The following RNF216 variants were observed in gnomAD, a reference collection of about 807,000 sequenced individuals.
The protein encoded by RNF216 is ring finger protein 216.
Under a neutral mutation model 110.8 loss-of-function variants are expected in RNF216, and 72 were observed. The observed-to-expected ratio is 0.65, with a 90% CI of 0.54 to 0.79. The LOEUF (loss-of-function observed/expected upper bound fraction) is 0.79. Ranked by LOEUF, RNF216 falls within the 30% of genes least tolerant of loss-of-function variation. The pLI, the probability that RNF216 is intolerant of heterozygous loss-of-function variation, is 0.00. For missense variants in RNF216, 1,342 were observed against 1,141.2 expected (o/e 1.18, Z -2.54); for synonymous variants, 495 against 407.5 (o/e 1.21, Z -2.59).
chr7:5,712,617 G>T, intron 12 of RNF216, 98 bp downstream of exon 12: 1 of 1,205,620 alleles, frequency 8.3e-7, no homozygotes, highest in Non-Finnish European at 1.2e-6. Context: ...CAAAAAACCT[G>T]GAAGATAAAC....
At chr7:5,631,094 ACCT>A (rs949517704) in intron 15 of RNF216, among the ~76,000 whole-genome samples, 3 of 152,074 alleles carry the variant, frequency 2.0e-5, no homozygotes, top group African/African-American at 7.2e-5. Flanking sequence ...GAATTCTGAA[ACCT>A]CCTTTCTCCC....
rs535287772 is a variant in RNF216 at position 5,718,489 on chromosome 7, A to G, written c.1645-1723T>C. On this transcript the variant is annotated intron_variant, in intron 9 of 16. Coordinates refer to ENST00000389902, the MANE Select transcript of RNF216 (RefSeq NM_207111.4). The stretch of plus-strand genomic sequence containing the variant: ...TCAGAACTAAAATTTTTACAACCTT[A>G]GACAAAAAAACAAAACCAATTCTCT... Among the ~76,000 whole-genome samples the G allele has an allele frequency of 3.3e-5, 5 of 152,260 alleles. No individual in the cohort carries two copies. In the South Asian group the frequency reaches 1.0e-3, roughly 32 times the overall value.
At chr7:5,687,327 C>T (rs1195450188) in intron 13 of RNF216, among the ~76,000 whole-genome samples, 4 of 132,978 alleles carry the variant, frequency 3.0e-5, no homozygotes, top group South Asian at 2.5e-4. Context: ...ACCTGGGAGG[C>T]GGAGGTTGCA....
chr7:5,649,265 G>A (rs1184942031), intron 14 of RNF216, among the ~76,000 whole-genome samples: 3 of 151,734 alleles, frequency 2.0e-5, no homozygotes, highest in African/African-American at 4.8e-5. Flanking sequence ...GGTAGCAGGC[G>A]CCTGTAATCC....
chr7:5,660,943 G>GTTTTGT (rs1554352520), intron 13 of RNF216, among the ~76,000 whole-genome samples: 5 of 90,166 alleles, frequency 5.5e-5, no homozygotes, highest in African/African-American at 2.7e-4. Context: ...GAAGCCTTAG[G>GTTTTGT]TTTTTTTTTT....
intron 15 of RNF216, among the ~76,000 whole-genome samples, chr7:5,637,137 T>C (rs1302871727): frequency 1.3e-5 from 2 of 152,182 alleles, no homozygotes; most frequent in African/African-American, 2.4e-5. Flanking sequence ...CTAGAGATGG[T>C]TGCCTCCCAC....
At chr7:5,678,536 GCTA>G (rs1331571592) in intron 13 of RNF216, among the ~76,000 whole-genome samples, 2 of 152,170 alleles carry the variant, frequency 1.3e-5, no homozygotes, top group African/African-American at 4.8e-5. Flanking sequence ...GTCCACCATG[GCTA>G]CTTACTAAAG....
intron 13 of RNF216, among the ~76,000 whole-genome samples, chr7:5,655,585 A>AAC (rs1788689225): frequency 1.3e-5 from 2 of 151,788 alleles, no homozygotes; most frequent in South Asian, 4.2e-4. Context: ...CAGCCTGGGC[A>AAC]ACAGAGCAAG....
chr7:5,689,180 G>C (rs1282491993), intron 13 of RNF216, among the ~76,000 whole-genome samples: 6 of 152,050 alleles, frequency 3.9e-5, no homozygotes, highest in Admixed American at 1.3e-4. Context: ...CTGGAGTGCA[G>C]CGCTAAGGGT....
intron 5 of RNF216, among the ~76,000 whole-genome samples, chr7:5,736,244 A>G (rs998188436): frequency 1.3e-5 from 2 of 151,994 alleles, no homozygotes; most frequent in Non-Finnish European, 2.9e-5. Context: ...CAGCCTGCCG[A>G]GTGCCTGTGA....
At chr7:5,652,873 T>C (rs1788485925) in intron 13 of RNF216, among the ~76,000 whole-genome samples, 1 of 152,162 alleles carries the variant, frequency 6.6e-6, no homozygotes, top group Non-Finnish European at 1.5e-5. Context: ...TTTCTCTCCC[T>C]AGATCAAAAG....
At chr7:5,642,276 C>T (rs1448236709) in intron 14 of RNF216, among the ~76,000 whole-genome samples, 1 of 151,462 alleles carries the variant, frequency 6.6e-6, no homozygotes, top group Non-Finnish European at 1.5e-5. Flanking sequence ...ACAGTGGCTC[C>T]ATCTCAGCTC....
intron 14 of RNF216, among the ~76,000 whole-genome samples, chr7:5,641,792 T>C (rs1787747805): frequency 1.3e-5 from 2 of 151,998 alleles, no homozygotes; most frequent in South Asian, 2.1e-4. Flanking sequence ...CCCAGAACTT[T>C]GAGAGGCCAA....
At chr7:5,644,831 T>TC (rs1787957277) in intron 14 of RNF216, among the ~76,000 whole-genome samples, 1 of 150,366 alleles carries the variant, frequency 6.7e-6, no homozygotes, top group African/African-American at 2.4e-5. Context: ...TTTTTTCTTT[T>TC]TTTTTTTTTT....
At chr7:5,663,922 AC>A (rs1309461378) in intron 13 of RNF216, among the ~76,000 whole-genome samples, 1 of 151,592 alleles carries the variant, frequency 6.6e-6, no homozygotes, top group Admixed American at 6.6e-5. Flanking sequence ...AAACAAAAAA[AC>A]CCCAAAACAA....
intron 15 of RNF216, among the ~76,000 whole-genome samples, chr7:5,633,853 G>T (rs955604761): frequency 2.6e-5 from 4 of 152,124 alleles, no homozygotes; most frequent in African/African-American, 9.7e-5. Flanking sequence ...TACCAGAGAG[G>T]TTTTAATTAA....
chr7:5,631,594 G>T (rs1042393750), intron 15 of RNF216, among the ~76,000 whole-genome samples: 13 of 152,102 alleles, frequency 8.5e-5, no homozygotes, highest in African/African-American at 3.1e-4. Flanking sequence ...TGAATCCCAT[G>T]GGGGTCCCAT....
In RNF216 at chr7:5,730,889, G is replaced by C. The variant is rs118091826; in HGVS notation, c.1122-72C>G. On this transcript the variant is annotated intron_variant, in intron 5 of 16. Transcript: ENST00000389902. ...ACCTGCCCATTGCTTCAAATGCAAT[G>C]GTTGAAGAATATAGTCCTTAGTCAC... 1.3e-5 allele frequency: 21 copies of C among 1,577,354 alleles called. No homozygotes were observed. In the South Asian group the frequency reaches 1.8e-4, roughly 14 times the overall value.
At chr7:5,685,531 G>C (rs1035343311) in intron 13 of RNF216, among the ~76,000 whole-genome samples, 1 of 152,222 alleles carries the variant, frequency 6.6e-6, no homozygotes, top group African/African-American at 2.4e-5. Flanking sequence ...GCTACACGGT[G>C]AACTACATCA....
Sources: gnomAD v4.1 joint callset for allele counts (sites outside exome capture counted in the v4.1 genomes callset) on GRCh38, gnomAD v4.1.1 for gene constraint, MANE v1.5 for transcripts, NCBI Gene and HGNC (gene_info 2026-07-23, HGNC 2026-07-21) for gene names.